PTPRD: variants seen among roughly 807,000 people sequenced by gnomAD.
PTPRD encodes the protein protein tyrosine phosphatase receptor type D, also known as receptor-type tyrosine-protein phosphatase delta.
Under a neutral mutation model 214.5 loss-of-function variants are expected in PTPRD, and 34 were observed. That is an observed-to-expected ratio of 0.16 (90% CI 0.12 to 0.21). The LOEUF (loss-of-function observed/expected upper bound fraction) is 0.21. Ranked by LOEUF, PTPRD falls within the 10% of genes least tolerant of loss-of-function variation. The pLI is 1.00. For missense variants in PTPRD, 2,545 were observed against 2,398.7 expected (o/e 1.06, Z -1.27); for synonymous variants, 1,128 against 845.7 (o/e 1.33, Z -5.79).
rs2043086246 is a variant in PTPRD at position 10,499,678 on chromosome 9, G to A, written c.-600+112720C>T. 7.2e-5 allele frequency among the ~76,000 whole-genome samples: 11 copies of A among 151,830 alleles called. No homozygotes were observed. The South Asian group carries it at 2.3e-3, about 32-fold the overall frequency. ...AAAGGTGTAATCAAATCCCAGATGT[G>A]AATCCATTCTGAGGTCTTATTTTCA... On this transcript the variant is annotated intron_variant, in intron 2 of 45. Coordinates refer to ENST00000381196, the MANE Select transcript of PTPRD (RefSeq NM_002839.4).
rs535530478 is a variant in PTPRD, at chr9:8,929,995, T to C, written c.-104+88702A>G. On this transcript the variant is annotated intron_variant, in intron 11 of 45. Transcript: ENST00000381196. ...TATTATTATACTTTAAGTTCTAGGA[T>C]ACATGTGCACAACGTGCAGGTTTGT... 1.8e-3 allele frequency among the ~76,000 whole-genome samples: 268 copies of C among 151,352 alleles called. 3 individuals are homozygous for C. The highest frequency in any genetic ancestry group is 6.4e-3 in the African/African-American group (262 of 41,164).
At chr9:8,734,864 T>C (rs897852224) in intron 11 of PTPRD, among the ~76,000 whole-genome samples, 6 of 152,168 alleles carry the variant, frequency 3.9e-5, no homozygotes, top group African/African-American at 1.2e-4. Flanking sequence ...ATCATGGAAA[T>C]AGTGTCTCAA....
At chr9:9,991,581 G>A (rs7027381) in intron 4 of PTPRD, among the ~76,000 whole-genome samples, 1 of 151,078 alleles carries the variant, frequency 6.6e-6, no homozygotes, top group Non-Finnish European at 1.5e-5. Flanking sequence ...GGCTGGTCTC[G>A]AACTCCTGAA....
intron 5 of PTPRD, among the ~76,000 whole-genome samples, chr9:9,853,285 T>C (rs914906352): frequency 1.3e-4 from 20 of 152,238 alleles, no homozygotes; most frequent in Non-Finnish European, 2.6e-4. Flanking sequence ...TGTTACAGTA[T>C]AGTTTTATTT....
intron 3 of PTPRD, among the ~76,000 whole-genome samples, chr9:10,102,721 T>C (rs424265): frequency 6.6e-6 from 1 of 151,190 alleles, no homozygotes. Flanking sequence ...CTCTGATATA[T>C]GTCTTCAGTT....
chr9:10,359,030 A>G (rs994157737), intron 2 of PTPRD, among the ~76,000 whole-genome samples: 1 of 151,908 alleles, frequency 6.6e-6, no homozygotes, highest in East Asian at 1.9e-4. Flanking sequence ...TTCCTTGCCT[A>G]TGTGTGTATA....
intron 14 of PTPRD, among the ~76,000 whole-genome samples, chr9:8,577,052 G>C (rs1174202026): frequency 6.6e-6 from 1 of 151,902 alleles, no homozygotes; most frequent in Admixed American, 6.6e-5. Flanking sequence ...ATATTACTAA[G>C]GTTTTCCTGA....
intron 3 of PTPRD, among the ~76,000 whole-genome samples, chr9:10,145,868 T>G (rs2099018890): frequency 6.6e-6 from 1 of 152,040 alleles, no homozygotes; most frequent in South Asian, 2.1e-4. Context: ...TGAAAATTAT[T>G]CAAAATCTCA....
intron 2 of PTPRD, among the ~76,000 whole-genome samples, chr9:10,486,620 A>G (rs34247995): frequency 0.16 from 24,082 of 152,186 alleles, 2,108 homozygotes; most frequent in Non-Finnish European, 0.2. Flanking sequence ...ACAGTTTCCT[A>G]AACTCTTTTT....
At chr9:8,695,004 A>T (rs967278919) in intron 12 of PTPRD, among the ~76,000 whole-genome samples, 1 of 152,140 alleles carries the variant, frequency 6.6e-6, no homozygotes, top group Non-Finnish European at 1.5e-5. Context: ...CTGTCACATA[A>T]AACCTGAGGG....
intron 2 of PTPRD, among the ~76,000 whole-genome samples, chr9:10,465,296 C>T (rs192845905): frequency 9.2e-5 from 14 of 152,172 alleles, no homozygotes; most frequent in Middle Eastern, 3.4e-3. Context: ...CCACACTAGC[C>T]GCAACAAAGT....
intron 8 of PTPRD, among the ~76,000 whole-genome samples, chr9:9,505,384 A>C (rs920965372): frequency 1.3e-5 from 2 of 151,500 alleles, no homozygotes; most frequent in Non-Finnish European, 3.0e-5. Context: ...TCCTCTTGCA[A>C]AAGTGGCCCA....
chr9:9,866,521 A>C lies in PTPRD; in HGVS notation c.-368+71986T>G, dbSNP rs773270074. On this transcript the variant is annotated intron_variant, in intron 5 of 45. Transcript: ENST00000381196. ...GGCTCTTTTGGTGCCATTTATATCA[A>C]AAAGAAACAGGTAATAAGATTAGTT... is the stretch of plus-strand genomic sequence containing the variant. Among the ~76,000 whole-genome samples, 5 of 152,274 alleles carry C rather than the reference A, an allele frequency of 3.3e-5. No homozygotes were observed. In the South Asian group the frequency reaches 8.3e-4, roughly 25 times the overall value.
At chr9:8,602,364 G>A (rs2094920919) in intron 14 of PTPRD, among the ~76,000 whole-genome samples, 1 of 152,090 alleles carries the variant, frequency 6.6e-6, no homozygotes, top group South Asian at 2.1e-4. Context: ...TAAGCCTTTG[G>A]TGGTGCTTCT....
chr9:8,930,089 T>A (rs1420216893), intron 11 of PTPRD, among the ~76,000 whole-genome samples: 1 of 151,742 alleles, frequency 6.6e-6, no homozygotes. Flanking sequence ...TAGGTATATC[T>A]CCTAATGCTA....
At chr9:10,377,709 G>A (rs770040312) in intron 2 of PTPRD, among the ~76,000 whole-genome samples, 14 of 152,034 alleles carry the variant, frequency 9.2e-5, no homozygotes, top group Non-Finnish European at 1.8e-4. Context: ...ACAGGTGCTG[G>A]AGAGGATATG....
chr9:9,231,808 T>G (rs2099963296), intron 9 of PTPRD, among the ~76,000 whole-genome samples: 1 of 152,166 alleles, frequency 6.6e-6, no homozygotes, highest in African/African-American at 2.4e-5. Context: ...GGTATACATG[T>G]GCCATGTTGG....
intron 2 of PTPRD, among the ~76,000 whole-genome samples, chr9:10,457,905 T>C (rs1013638848): frequency 3.3e-5 from 5 of 151,958 alleles, no homozygotes; most frequent in African/African-American, 7.2e-5. Context: ...ATGTAAAGGA[T>C]CATAAGGAAC....
chr9:10,399,431 C>T (rs775288829), intron 2 of PTPRD, among the ~76,000 whole-genome samples: 2 of 151,866 alleles, frequency 1.3e-5, no homozygotes, highest in Non-Finnish European at 2.9e-5. Flanking sequence ...AAATCCAAAA[C>T]ATTTTCATAA....
Sources: gnomAD v4.1 joint callset for allele counts (sites outside exome capture counted in the v4.1 genomes callset) on GRCh38, gnomAD v4.1.1 for gene constraint, MANE v1.5 for transcripts, NCBI Gene and HGNC (gene_info 2026-07-23, HGNC 2026-07-21) for gene names.